Variants in NGF observed in about 807,000 individuals in gnomAD.
NGF encodes beta-nerve growth factor.
Under a neutral mutation model 12.8 loss-of-function variants are expected in NGF, and 4 were observed. The ratio of observed to expected loss-of-function variants is 0.31; its 90% confidence interval spans 0.15 to 0.72. The LOEUF (loss-of-function observed/expected upper bound fraction) is 0.72, where lower values mean the gene tolerates loss of function less well. Ranked by LOEUF, NGF falls within the 30% of genes least tolerant of loss-of-function variation. The pLI is 0.69. For missense variants in NGF, 283 were observed against 330.8 expected (o/e 0.86, Z 1.12); for synonymous variants, 140 against 130.0 (o/e 1.08, Z -0.52).
intron 2 of NGF, 83 bp from the exon 3 acceptor site, chr1:115,286,890 C>G (rs924032474): frequency 2.6e-6 from 4 of 1,527,580 alleles, no homozygotes; most frequent in Admixed American, 3.3e-5. Context: ...CAGAGTTGAC[C>G]TCCCAAGGGG....
intron 1 of NGF, among the ~76,000 whole-genome samples, chr1:115,329,677 TC>T (rs1233163886): frequency 6.6e-6 from 1 of 152,140 alleles, no homozygotes; most frequent in Non-Finnish European, 1.5e-5. Context: ...TTCATTTTTT[TC>T]CCTAATGAGA....
chr1:115,303,845 T>A (rs1654119116), intron 1 of NGF, among the ~76,000 whole-genome samples: 1 of 152,154 alleles, frequency 6.6e-6, no homozygotes, highest in Non-Finnish European at 1.5e-5. Context: ...AGCCTTGAGG[T>A]CATTTAGTCT....
intron 1 of NGF, among the ~76,000 whole-genome samples, chr1:115,329,908 G>A (rs1478899923): frequency 6.6e-6 from 1 of 151,758 alleles, no homozygotes; most frequent in East Asian, 1.9e-4. Context: ...ATGTCACCAT[G>A]CCTGGCTAAT....
chr1:115,321,565 G>A (rs1654625949), intron 1 of NGF, among the ~76,000 whole-genome samples: 2 of 145,534 alleles, frequency 1.4e-5, no homozygotes, highest in South Asian at 2.3e-4. Context: ...TTTGCATGAT[G>A]TGTGTATGGG....
chr1:115,336,614 C>T (rs1655115743), intron 1 of NGF, among the ~76,000 whole-genome samples: 1 of 152,214 alleles, frequency 6.6e-6, no homozygotes, highest in Non-Finnish European at 1.5e-5. Flanking sequence ...AGGTTTGATA[C>T]AGCCTTTCTT....
intron 1 of NGF, among the ~76,000 whole-genome samples, chr1:115,295,750 G>A (rs535714269): frequency 2.0e-5 from 3 of 152,066 alleles, no homozygotes; most frequent in East Asian, 1.9e-4. Flanking sequence ...CTGAGATTCC[G>A]TGACTTTGAA....
chr1:115,327,539 T>C (rs1415274327), intron 1 of NGF, among the ~76,000 whole-genome samples: 2 of 152,204 alleles, frequency 1.3e-5, no homozygotes, highest in Non-Finnish European at 2.9e-5. Context: ...ACAACACTCT[T>C]GAACACAGGT....
intron 1 of NGF, among the ~76,000 whole-genome samples, chr1:115,315,162 G>A (rs1196439452): frequency 1.3e-5 from 2 of 152,164 alleles, no homozygotes; most frequent in East Asian, 3.9e-4. Context: ...GGGCTTTATG[G>A]ACCCTGGTGA....
At chr1:115,336,289 C>T (rs1655106906) in intron 1 of NGF, among the ~76,000 whole-genome samples, 1 of 152,152 alleles carries the variant, frequency 6.6e-6, no homozygotes, top group Non-Finnish European at 1.5e-5. Context: ...CTGAGGTGCT[C>T]CTATACTTCT....
chr1:115,328,245 A>G lies in NGF; in HGVS notation c.-137+9959T>C, dbSNP rs887715406. ...AGGCTAAGCTTCCATGAGAACTAAGAGGTAGGCAGTTTGTCATCACTGATC... is the reference window on the plus strand; with the variant it reads ...AGGCTAAGCTTCCATGAGAACTAAGGGGTAGGCAGTTTGTCATCACTGATC... On this transcript the variant is annotated intron_variant, in intron 1 of 2. Transcript: ENST00000369512. Among the ~76,000 whole-genome samples the G allele has an allele frequency of 2.6e-5, 4 of 152,130 alleles. No homozygotes were observed. The South Asian group carries it at 6.2e-4, about 24-fold the overall frequency.
chr1:115,316,312 C>T (rs1430217006), intron 1 of NGF, among the ~76,000 whole-genome samples: 1 of 152,106 alleles, frequency 6.6e-6, no homozygotes, highest in African/African-American at 2.4e-5. Flanking sequence ...ATCTAAGAGC[C>T]AATGTGGGCT....
At chr1:115,334,598 G>A (rs1036089634) in intron 1 of NGF, among the ~76,000 whole-genome samples, 42 of 152,106 alleles carry the variant, frequency 2.8e-4, no homozygotes, top group African/African-American at 9.7e-4. Context: ...GACTTCTGGA[G>A]CCCCAGTTTG....
At chr1:115,290,388 T>C (rs1014903139) in intron 2 of NGF, among the ~76,000 whole-genome samples, 1 of 14,916 alleles carries the variant, frequency 6.7e-5, no homozygotes, top group Non-Finnish European at 1.4e-4. Context: ...TCTCTCATCT[T>C]TTTTTTTTTT....
At chr1:115,300,900 G>A (rs1166628316) in intron 1 of NGF, among the ~76,000 whole-genome samples, 1 of 152,162 alleles carries the variant, frequency 6.6e-6, no homozygotes, top group African/African-American at 2.4e-5. Flanking sequence ...TGACTTATGG[G>A]GAATGCTGGA....
At chr1:115,315,607 T>G (rs1654455845) in intron 1 of NGF, among the ~76,000 whole-genome samples, 1 of 152,170 alleles carries the variant, frequency 6.6e-6, no homozygotes, top group Non-Finnish European at 1.5e-5. Context: ...TTGAGATACC[T>G]ATATACTGAG....
In NGF at chr1:115,286,059, G is replaced by C. The variant is rs199812295; in HGVS notation, c.*11C>G. The C allele has an allele frequency of 5.0e-6, 8 of 1,612,148 alleles. No homozygotes were observed. In the East Asian group the frequency reaches 1.6e-4, roughly 31 times the overall value. On this transcript the variant is annotated 3_prime_UTR_variant, in exon 3 of 3. Coordinates refer to ENST00000369512, the MANE Select transcript of NGF (RefSeq NM_002506.3). ...TGTAGAAGGGGCAGGGGGAGGGAGC[G>C]TGTCGGCAGGTCAGGCTCTTCTCAC...
chr1:115,305,921 T>G (rs886099891), intron 1 of NGF, among the ~76,000 whole-genome samples: 1 of 152,224 alleles, frequency 6.6e-6, no homozygotes, highest in African/African-American at 2.4e-5. Context: ...CTCTGTTGAT[T>G]GGTTTTTTGG....
intron 1 of NGF, among the ~76,000 whole-genome samples, chr1:115,297,853 T>C (rs1653917796): frequency 6.6e-6 from 1 of 152,236 alleles, no homozygotes; most frequent in Non-Finnish European, 1.5e-5. Flanking sequence ...TGTCTCACCT[T>C]CAGAGATTCT....
chr1:115,295,105 A>G (rs917173374), intron 1 of NGF, among the ~76,000 whole-genome samples: 2 of 152,150 alleles, frequency 1.3e-5, no homozygotes, highest in Admixed American at 1.3e-4. Flanking sequence ...CCCACCACAT[A>G]TCTTCATCCA....
Sources: gnomAD v4.1 joint callset for allele counts (sites outside exome capture counted in the v4.1 genomes callset) on GRCh38, gnomAD v4.1.1 for gene constraint, MANE v1.5 for transcripts, NCBI Gene and HGNC (gene_info 2026-07-23, HGNC 2026-07-21) for gene names.